Variants in INSYN2B observed in about 807,000 individuals in gnomAD.
The protein encoded by INSYN2B is protein INSYN2B.
INSYN2B carries 16 observed loss-of-function variants against 41.2 expected under a neutral mutation model. The observed-to-expected ratio is 0.39, with a 90% CI of 0.26 to 0.59. The LOEUF (loss-of-function observed/expected upper bound fraction) is 0.59. Among genes scored for constraint, INSYN2B ranks in the 20% least tolerant of loss-of-function variants. The probability of loss-of-function intolerance (pLI) is 0.57; values close to 1 mark genes in which losing one functional copy is unlikely to be tolerated. For synonymous variants in INSYN2B, 245 were observed against 244.4 expected, an observed-to-expected ratio of 1.00 and a Z score of -0.02; for missense variants, 608 against 646.4, an observed-to-expected ratio of 0.94 and a Z score of 0.64.
In INSYN2B at chr5:169,882,754, G is replaced by A; in HGVS notation, c.1145C>T (p.Ser382Phe). Residue 382 changes from serine to phenylalanine, a missense_variant, in exon 2 of 4, where the codon TCT (serine) becomes TTT (phenylalanine). Transcript: ENST00000377365. ...NCPGSNHLPS[S>F]LSRSETKLQS... Reference sequence around the variant, plus strand: ...AAGTTTGGTCTCACTCCTTGAAAGAGAGGATGGGAGATGATTACTTCCTGG... The same window carrying A: ...AAGTTTGGTCTCACTCCTTGAAAGAAAGGATGGGAGATGATTACTTCCTGG... 1 of 1,551,890 alleles carries A rather than the reference G, an allele frequency of 6.4e-7. No homozygotes were observed. Among genetic ancestry groups the A allele is most frequent in the Non-Finnish European group, 8.7e-7 (1 of 1,147,002 alleles).
intron 1 of INSYN2B, among the ~76,000 whole-genome samples, chr5:169,913,093 C>T (rs1004579904): frequency 4.6e-5 from 7 of 152,164 alleles, no homozygotes; most frequent in Non-Finnish European, 1.0e-4. Flanking sequence ...AAAGTGTTGT[C>T]TCTAGTTTCC....
chr5:169,977,238 A>C (rs1476362219), intron 1 of INSYN2B, among the ~76,000 whole-genome samples: 1 of 152,182 alleles, frequency 6.6e-6, no homozygotes, highest in Non-Finnish European at 1.5e-5. Flanking sequence ...GCATGTTGTT[A>C]ACCAAAAGCA....
chr5:169,944,889 C>T (rs1485784320), intron 1 of INSYN2B, among the ~76,000 whole-genome samples: 1 of 152,202 alleles, frequency 6.6e-6, no homozygotes, highest in East Asian at 1.9e-4. Context: ...ATTTTCCAGA[C>T]ATCTTGTTTC....
chr5:169,902,518 G>C (rs1205927163), intron 1 of INSYN2B, among the ~76,000 whole-genome samples: 1 of 152,170 alleles, frequency 6.6e-6, no homozygotes, highest in African/African-American at 2.4e-5. Context: ...AAGTAGAGTG[G>C]TTTCTGGAAG....
At chr5:169,946,343 C>T (rs757385269) in intron 1 of INSYN2B, among the ~76,000 whole-genome samples, 2 of 152,270 alleles carry the variant, frequency 1.3e-5, no homozygotes, top group Non-Finnish European at 2.9e-5. Context: ...TCTAACTGGG[C>T]GACTGAGGGG....
At chr5:169,903,232 G>C (rs166355) in intron 1 of INSYN2B, among the ~76,000 whole-genome samples, 1 of 149,432 alleles carries the variant, frequency 6.7e-6, no homozygotes, top group Non-Finnish European at 1.5e-5. Flanking sequence ...AGCTATGATC[G>C]CACCTATTAA....
chr5:169,950,566 A>G (rs898152920), intron 1 of INSYN2B, among the ~76,000 whole-genome samples: 6 of 152,130 alleles, frequency 3.9e-5, no homozygotes, highest in Non-Finnish European at 8.8e-5. Flanking sequence ...GGGTTGTGTC[A>G]GTTTCTCTTT....
Position 169,977,735 on chromosome 5 carries a change from G to A in INSYN2B, c.-919+2542C>T, listed in dbSNP as rs145901862. On this transcript the variant is annotated intron_variant, in intron 1 of 3. Transcript: ENST00000377365. ...TGCCTCGCACCTAGCACAGAGCCCA[G>A]AACGCAAGGACAGACAGCACACCTT... 5.9e-5 allele frequency among the ~76,000 whole-genome samples: 9 copies of A among 152,270 alleles called. No individual in the cohort carries two copies. The East Asian group carries it at 1.2e-3, about 20-fold the overall frequency.
intron 3 of INSYN2B, among the ~76,000 whole-genome samples, chr5:169,879,263 C>T (rs1772501525): frequency 6.6e-6 from 1 of 152,082 alleles, no homozygotes; most frequent in Admixed American, 6.5e-5. Flanking sequence ...GAGATCACGG[C>T]TTAACAAGGC....
In INSYN2B at chr5:169,898,604, T is replaced by A. The variant is rs116418676; in HGVS notation, c.-918-13788A>T. 8.1e-3 allele frequency among the ~76,000 whole-genome samples: 1,237 copies of A among 152,224 alleles called. 17 individuals carry two copies. The highest frequency in any genetic ancestry group is 0.028 in the African/African-American group (1,175 of 41,538). ...ATGAGTTCAATGAAAGAATGACAGT[T>A]AAGCTCTTAACATAGTGTCTATCTT... On this transcript the variant is annotated intron_variant, in intron 1 of 3. Transcript: ENST00000377365.
At chr5:169,927,772 A>T (rs918439294) in intron 1 of INSYN2B, among the ~76,000 whole-genome samples, 1 of 152,100 alleles carries the variant, frequency 6.6e-6, no homozygotes, top group Admixed American at 6.5e-5. Flanking sequence ...GCCCGCCACC[A>T]CGCCTGGCTA....
intron 3 of INSYN2B, among the ~76,000 whole-genome samples, chr5:169,872,220 C>G (rs762497629): frequency 1.3e-5 from 2 of 152,196 alleles, no homozygotes; most frequent in African/African-American, 2.4e-5. Flanking sequence ...TACTGACCTC[C>G]TGCAACTTTC....
chr5:169,882,928 C>T lies in INSYN2B; in HGVS notation c.971G>A (p.Gly324Glu), dbSNP rs1772744573. The change falls in exon 2 of 4, where the codon GGA becomes GAA. Residue 324 changes from glycine (G) to glutamate (E), a missense_variant. Gly to Glu is a moderately conservative substitution (Grantham distance 98). Transcript: ENST00000377365. Reference protein sequence around the residue: ...QGSHSQPAHPGRASDCPSSSN... With the variant: ...QGSHSQPAHPERASDCPSSSN... Reference sequence around the variant, plus strand: ...TGATGAAGGACAGTCTGAGGCTCTTCCTGGGTGGGCTGGCTGGCTGTGGGA... The same window carrying T: ...TGATGAAGGACAGTCTGAGGCTCTTTCTGGGTGGGCTGGCTGGCTGTGGGA... The T allele has an allele frequency of 1.9e-6, 3 of 1,551,784 alleles. No homozygotes were observed. Among genetic ancestry groups the T allele is most frequent in the Admixed American group, 2.0e-5 (1 of 50,966 alleles).
intron 1 of INSYN2B, among the ~76,000 whole-genome samples, chr5:169,960,662 AT>A (rs1777046685): frequency 6.6e-6 from 1 of 152,230 alleles, no homozygotes; most frequent in South Asian, 2.1e-4. Context: ...GTGTGGTAAT[AT>A]TCGGGTCTCT....
intron 1 of INSYN2B, chr5:169,934,546 G>A (rs1038050479): frequency 3.4e-5 from 15 of 435,746 alleles, no homozygotes; most frequent in East Asian, 2.1e-4. Flanking sequence ...AATTGTATGC[G>A]CTACATTCAC....
chr5:169,978,395 G>GGT (rs1777805295), intron 1 of INSYN2B, among the ~76,000 whole-genome samples: 1 of 142,322 alleles, frequency 7.0e-6, no homozygotes, highest in Non-Finnish European at 1.5e-5. Flanking sequence ...GTGTGTGTGG[G>GGT]GGGGGGGGGG....
Position 169,864,967 on chromosome 5 carries a change from G to A in INSYN2B, c.1422-508C>T, listed in dbSNP as rs1051605576. Among the ~76,000 whole-genome samples the A allele has an allele frequency of 1.1e-4, 17 of 152,264 alleles. No homozygotes were observed. In the East Asian group the frequency reaches 2.5e-3, roughly 22 times the overall value. On this transcript the variant is annotated intron_variant, in intron 3 of 3. Coordinates refer to ENST00000377365, the MANE Select transcript of INSYN2B (RefSeq NM_001129891.3). ...ATGCTCAGAGTAGTGCCTGGCGTGCGCTAAGTCCTCCGTATGTGTTAGCTT... is the reference window on the plus strand; with the variant it reads ...ATGCTCAGAGTAGTGCCTGGCGTGCACTAAGTCCTCCGTATGTGTTAGCTT...
chr5:169,908,713 C>CTTTTTTTTTTTTT (rs34261104), intron 1 of INSYN2B, among the ~76,000 whole-genome samples: 26 of 105,000 alleles, frequency 2.5e-4, no homozygotes, highest in Admixed American at 3.2e-4. Context: ...TTTCTTTTTT[C>CTTTTTTTTTTTTT]TTTTTTTTTT....
chr5:169,864,438 C>A lies in INSYN2B; in HGVS notation c.1443G>T (p.Gln481His). 1 of 1,545,760 alleles carries A rather than the reference C, an allele frequency of 6.5e-7. No homozygotes were observed. The highest frequency in any genetic ancestry group is 1.7e-4 in the Middle Eastern group (1 of 5,960). The change falls in exon 4 of 4, where the codon CAG becomes CAT. Residue 481 changes from glutamine (Q) to histidine (H), a missense_variant. Transcript: ENST00000377365. ...AAACTTCATGGAACCTGCCTTCCTG[C>A]TGCCGAAAATCATACTCTACACTGA... ...IIYSVEYDFR[Q>H]QEGRFHEVLQ... is the part of the protein sequence containing the mutation.
Sources: allele counts gnomAD v4.1 joint callset (sites outside exome capture counted in the v4.1 genomes callset), GRCh38; gene constraint gnomAD v4.1.1; transcripts MANE v1.5; gene names NCBI Gene and HGNC (gene_info 2026-07-23, HGNC 2026-07-21).